The following SND1 variants were observed in gnomAD, a reference collection of about 807,000 sequenced individuals.
SND1 encodes the protein staphylococcal nuclease domain-containing protein 1.
SND1 carries 38 observed loss-of-function variants against 121.7 expected under a neutral mutation model. The observed-to-expected ratio is 0.31, with a 90% CI of 0.24 to 0.41. The LOEUF is 0.41. SND1 is among the 10% of genes least tolerant of loss of function. The probability of loss-of-function intolerance (pLI) is 1.00; values close to 1 mark genes in which losing one functional copy is unlikely to be tolerated. For missense variants in SND1, 868 were observed against 1,184.6 expected (o/e 0.73, Z 3.92); for synonymous variants, 401 against 447.4 (o/e 0.90, Z 1.31).
At chr7:127,702,300 A>C in intron 5 of SND1, 135 bp from the exon 6 acceptor site, 2 of 707,918 alleles carry the variant, frequency 2.8e-6, no homozygotes, top group South Asian at 3.2e-5. Context: ...CTGCAAGTGC[A>C]TCCTTACTTT....
intron 12 of SND1, among the ~76,000 whole-genome samples, chr7:127,865,524 C>T (rs10280863): frequency 0.18 from 27,760 of 152,128 alleles, 2,727 homozygotes; most frequent in African/African-American, 0.26. Context: ...AACAAACAAA[C>T]AAACAAAAGA....
intron 15 of SND1, among the ~76,000 whole-genome samples, chr7:127,975,596 G>A (rs563483144): frequency 6.6e-6 from 1 of 152,140 alleles, no homozygotes; most frequent in Non-Finnish European, 1.5e-5. Context: ...ATGGTGGAGA[G>A]GGAACAAGGA....
At chr7:127,721,490 T>C (rs1796495894) in intron 10 of SND1, 90 bp downstream of exon 10, 1 of 655,928 alleles carries the variant, frequency 1.5e-6, no homozygotes, top group African/African-American at 1.9e-5. Context: ...ATAATACATA[T>C]ATGTGGGAAT....
chr7:127,793,789 A>C (rs1375686644), intron 10 of SND1, among the ~76,000 whole-genome samples: 1 of 152,046 alleles, frequency 6.6e-6, no homozygotes, highest in Non-Finnish European at 1.5e-5. Context: ...GAAGTTCCCC[A>C]TTCTTGCCCT....
At chr7:127,939,526 C>T (rs1801143946) in intron 15 of SND1, among the ~76,000 whole-genome samples, 1 of 152,144 alleles carries the variant, frequency 6.6e-6, no homozygotes, top group Non-Finnish European at 1.5e-5. Flanking sequence ...CCTCCTGCTT[C>T]CTAATTAATT....
At chr7:127,752,403 A>T (rs1797112160) in intron 10 of SND1, among the ~76,000 whole-genome samples, 2 of 152,214 alleles carry the variant, frequency 1.3e-5, no homozygotes, top group South Asian at 4.1e-4. Flanking sequence ...GCTATTGGAA[A>T]TAGAAAGATG....
chr7:127,761,852 T>G (rs1195368008), intron 10 of SND1, among the ~76,000 whole-genome samples: 4 of 152,240 alleles, frequency 2.6e-5, no homozygotes, highest in Non-Finnish European at 5.9e-5. Context: ...TACAGTATTT[T>G]CCAGAGGCTT....
chr7:127,892,102 A>G lies in SND1; in HGVS notation c.1454+4090A>G, dbSNP rs138329704. 4.3e-3 allele frequency among the ~76,000 whole-genome samples: 661 copies of G among 152,174 alleles called. 7 individuals are homozygous for G. Among genetic ancestry groups the G allele is most frequent in the African/African-American group, 0.015 (632 of 41,532 alleles). Reference sequence around the variant, plus strand: ...TTCTGTTGACTTTGCTTTCCAGTGCACTGCTTGGCCATTAGTACTTTCAGA... The same window carrying G: ...TTCTGTTGACTTTGCTTTCCAGTGCGCTGCTTGGCCATTAGTACTTTCAGA... On this transcript the variant is annotated intron_variant, in intron 13 of 23. Transcript: ENST00000354725.
At chr7:127,981,297 A>G (rs1219701116) in intron 15 of SND1, among the ~76,000 whole-genome samples, 2 of 152,186 alleles carry the variant, frequency 1.3e-5, no homozygotes, top group Non-Finnish European at 2.9e-5. Flanking sequence ...TTTGAAAGGC[A>G]CAGGTCTCTC....
chr7:128,070,337 A>G (rs1380122002), intron 16 of SND1, among the ~76,000 whole-genome samples: 1 of 152,148 alleles, frequency 6.6e-6, no homozygotes, highest in Non-Finnish European at 1.5e-5. Flanking sequence ...CTGCTTGTGT[A>G]CATGCACACA....
chr7:127,799,149 A>T (rs996485832), intron 10 of SND1, among the ~76,000 whole-genome samples: 1 of 152,134 alleles, frequency 6.6e-6, no homozygotes, highest in Non-Finnish European at 1.5e-5. Context: ...CTCCCAGGAG[A>T]TTCTTAGGCA....
At chr7:127,802,545 C>T (rs1299768186) in intron 10 of SND1, among the ~76,000 whole-genome samples, 1 of 152,190 alleles carries the variant, frequency 6.6e-6, no homozygotes, top group East Asian at 1.9e-4. Context: ...TTCCAGAACA[C>T]AGCATTCTGG....
intron 10 of SND1, among the ~76,000 whole-genome samples, chr7:127,806,928 C>T (rs538029325): frequency 1.3e-5 from 2 of 152,056 alleles, no homozygotes; most frequent in South Asian, 4.1e-4. Context: ...CCCTGCACTC[C>T]AGCCTGGGCA....
intron 10 of SND1, among the ~76,000 whole-genome samples, chr7:127,738,088 A>G (rs1004592967): frequency 6.6e-6 from 1 of 151,848 alleles, no homozygotes; most frequent in Non-Finnish European, 1.5e-5. Context: ...ATGAGAAAAC[A>G]CTCTCAGATC....
chr7:128,042,815 C>G (rs1043574381), intron 16 of SND1, among the ~76,000 whole-genome samples: 1 of 152,172 alleles, frequency 6.6e-6, no homozygotes, highest in African/African-American at 2.4e-5. Context: ...CACCACCAAC[C>G]CTGTCTTGTT....
At chr7:127,884,164 C>T (rs1396115597) in intron 12 of SND1, among the ~76,000 whole-genome samples, 3 of 152,214 alleles carry the variant, frequency 2.0e-5, no homozygotes, top group South Asian at 2.1e-4. Flanking sequence ...GGACATGTCT[C>T]CTATTTTTTT....
chr7:127,877,363 G>T (rs1052250823), intron 12 of SND1, among the ~76,000 whole-genome samples: 1 of 152,110 alleles, frequency 6.6e-6, no homozygotes, highest in Non-Finnish European at 1.5e-5. Flanking sequence ...AAGTGGGTTA[G>T]TTGTTGAATT....
chr7:128,012,659 G>A (rs1284492414), intron 16 of SND1, among the ~76,000 whole-genome samples: 1 of 152,186 alleles, frequency 6.6e-6, no homozygotes, highest in African/African-American at 2.4e-5. Context: ...TGGTCAGCAA[G>A]TGGGACGAGC....
intron 10 of SND1, among the ~76,000 whole-genome samples, chr7:127,778,859 AT>A (rs1425051158): frequency 2.6e-5 from 4 of 152,052 alleles, no homozygotes; most frequent in Non-Finnish European, 5.9e-5. Flanking sequence ...CTAGCTTTTC[AT>A]TTACTGCCCA....
Sources: gnomAD v4.1 joint callset for allele counts (sites outside exome capture counted in the v4.1 genomes callset) on GRCh38, gnomAD v4.1.1 for gene constraint, MANE v1.5 for transcripts, NCBI Gene and HGNC (gene_info 2026-07-23, HGNC 2026-07-21) for gene names.